The following LRP1B variants were observed in gnomAD, a reference collection of about 807,000 sequenced individuals.
The protein encoded by LRP1B is LDL receptor related protein 1B.
A neutral mutation model predicts 556.6 loss-of-function variants in LRP1B; 217 were observed. That is an observed-to-expected ratio of 0.39 (90% CI 0.35 to 0.44). LRP1B has a LOEUF of 0.44. LRP1B is among the 20% of genes least tolerant of loss of function. The pLI is 1.00. For synonymous variants in LRP1B, 2,047 were observed against 1,865.8 expected, an observed-to-expected ratio of 1.10 and a Z score of -2.50; for missense variants, 5,053 against 5,620.8, an observed-to-expected ratio of 0.90 and a Z score of 3.23.
chr2:141,532,044 G>T (rs1158584698), intron 2 of LRP1B, among the ~76,000 whole-genome samples: 2 of 152,116 alleles, frequency 1.3e-5, no homozygotes. Context: ...AGATGAATCA[G>T]CTTGGGAAGA....
At chr2:142,072,218 A>G (rs1705342889) in intron 1 of LRP1B, among the ~76,000 whole-genome samples, 1 of 151,908 alleles carries the variant, frequency 6.6e-6, no homozygotes, top group African/African-American at 2.4e-5. Flanking sequence ...TACTGATCAG[A>G]TGATCTTGAA....
intron 66 of LRP1B, among the ~76,000 whole-genome samples, chr2:140,402,060 C>T (rs1467088981): frequency 6.6e-6 from 1 of 152,164 alleles, no homozygotes; most frequent in African/African-American, 2.4e-5. Flanking sequence ...GCAGACATTC[C>T]CCAGCACCAA....
Position 140,716,778 on chromosome 2 carries a change from T to C in LRP1B, c.5797A>G (p.Lys1933Glu). The change falls in exon 36 of 91, where the codon AAA becomes GAA. Residue 1933 changes from lysine to glutamate, a missense_variant. This residue lies in a region of LRP1B where 3,619 missense variants were observed against 3,931.9 expected (regional missense o/e 0.92). Transcript: ENST00000389484. ...TGATCTCTTTTAGCTCTGCTAATTT[T>C]ATTGAAGCCCATGTCTGTCCAGTAG... ...TIYWTDMGFN[K>E]ISRAKRDQTW... The C allele has an allele frequency of 1.2e-6, 2 of 1,609,472 alleles. No homozygotes were observed. The highest frequency in any genetic ancestry group is 1.7e-6 in the Non-Finnish European group (2 of 1,176,366).
intron 60 of LRP1B, among the ~76,000 whole-genome samples, chr2:140,461,200 T>G (rs1032246153): frequency 1.3e-5 from 2 of 152,184 alleles, no homozygotes; most frequent in Non-Finnish European, 2.9e-5. Context: ...TTTTTTTAGT[T>G]AGCATTTATC....
At chr2:141,053,828 A>ATATGTG (rs1553452930) in intron 10 of LRP1B, among the ~76,000 whole-genome samples, 2 of 150,130 alleles carry the variant, frequency 1.3e-5, no homozygotes, top group Non-Finnish European at 3.0e-5. Context: ...GTGTGTATAT[A>ATATGTG]TGTGTGTGTG....
intron 32 of LRP1B, among the ~76,000 whole-genome samples, chr2:140,780,982 G>A (rs930761502): frequency 6.6e-6 from 1 of 152,146 alleles, no homozygotes; most frequent in African/African-American, 2.4e-5. Flanking sequence ...TCCCTAGACA[G>A]TAGAGATATC....
chr2:140,663,708 A>G (rs1685173560), intron 41 of LRP1B, among the ~76,000 whole-genome samples: 1 of 152,160 alleles, frequency 6.6e-6, no homozygotes, highest in African/African-American at 2.4e-5. Context: ...GTATTTTCTT[A>G]TCATTCGTGT....
chr2:141,510,494 C>T (rs1331375350), intron 2 of LRP1B, among the ~76,000 whole-genome samples: 1 of 152,036 alleles, frequency 6.6e-6, no homozygotes, highest in Non-Finnish European at 1.5e-5. Context: ...TTATCGCACA[C>T]CTTTTTCCTT....
At chr2:140,508,683 A>T (rs1449101206) in intron 52 of LRP1B, among the ~76,000 whole-genome samples, 1 of 152,178 alleles carries the variant, frequency 6.6e-6, no homozygotes, top group African/African-American at 2.4e-5. Flanking sequence ...ATTCCGATAC[A>T]TGGATTAATC....
At chr2:141,370,569 T>C (rs1299620279) in intron 3 of LRP1B, among the ~76,000 whole-genome samples, 2 of 152,164 alleles carry the variant, frequency 1.3e-5, no homozygotes, top group African/African-American at 4.8e-5. Flanking sequence ...GAATGTATAC[T>C]TTACAAATAT....
At chr2:141,519,374 T>C (rs904718604) in intron 2 of LRP1B, among the ~76,000 whole-genome samples, 25 of 36,002 alleles carry the variant, frequency 6.9e-4, no homozygotes, top group Middle Eastern at 0.029. Flanking sequence ...TATATATATA[T>C]ATATATATAT....
At chr2:141,721,465 GT>G (rs909368110) in intron 2 of LRP1B, among the ~76,000 whole-genome samples, 1 of 151,994 alleles carries the variant, frequency 6.6e-6, no homozygotes, top group Admixed American at 6.6e-5. Context: ...AAGATATTAG[GT>G]TTTTTTGTAC....
intron 1 of LRP1B, among the ~76,000 whole-genome samples, chr2:142,118,145 T>C (rs1574706473): frequency 1.3e-5 from 2 of 152,276 alleles, no homozygotes; most frequent in African/African-American, 4.8e-5. Context: ...ATGATTTTTT[T>C]TTCTTTGCTT....
chr2:141,333,278 T>C (rs1357028), intron 3 of LRP1B, among the ~76,000 whole-genome samples: 89,145 of 151,448 alleles, frequency 0.59, 27,262 homozygotes, highest in African/African-American at 0.71. Context: ...TTTATCCTTC[T>C]AACTTTGTGG....
intron 2 of LRP1B, among the ~76,000 whole-genome samples, chr2:141,798,099 T>C (rs2105680590): frequency 6.6e-6 from 1 of 152,300 alleles, no homozygotes; most frequent in East Asian, 1.9e-4. Context: ...AGAATATGTA[T>C]TGTTCCTAGA....
intron 71 of LRP1B, among the ~76,000 whole-genome samples, chr2:140,365,443 A>G (rs631497): frequency 0.038 from 5,795 of 151,806 alleles, 341 homozygotes; most frequent in African/African-American, 0.13. Flanking sequence ...TCTCATATAA[A>G]ATTCTTAAGT....
At chr2:140,644,250 T>C (rs1423678398) in intron 41 of LRP1B, among the ~76,000 whole-genome samples, 1 of 152,168 alleles carries the variant, frequency 6.6e-6, no homozygotes, top group Non-Finnish European at 1.5e-5. Flanking sequence ...AATGTATATC[T>C]ATTAATATGA....
At chr2:141,681,626 T>C (rs929596782) in intron 2 of LRP1B, among the ~76,000 whole-genome samples, 10 of 152,118 alleles carry the variant, frequency 6.6e-5, no homozygotes, top group Non-Finnish European at 1.5e-4. Flanking sequence ...TCATCTAAGA[T>C]AGCAAGGTGA....
intron 2 of LRP1B, among the ~76,000 whole-genome samples, chr2:141,779,013 G>C (rs183752146): frequency 2.3e-4 from 35 of 152,164 alleles, no homozygotes; most frequent in African/African-American, 7.7e-4. Context: ...TCAGGGCTGT[G>C]GTCTACTTAA....
Sources: allele counts gnomAD v4.1 joint callset (sites outside exome capture counted in the v4.1 genomes callset), GRCh38; gene constraint gnomAD v4.1.1; regional missense constraint gnomAD v4.1.1; transcripts MANE v1.5; gene names NCBI Gene and HGNC (gene_info 2026-07-23, HGNC 2026-07-21).